The following CCDC47 variants were observed in gnomAD, a reference collection of about 807,000 sequenced individuals.
The protein encoded by CCDC47 is PAT complex subunit CCDC47.
Under a neutral mutation model 60.5 loss-of-function variants are expected in CCDC47, and 41 were observed. The observed-to-expected ratio is 0.68, with a 90% CI of 0.53 to 0.88. CCDC47 has a LOEUF of 0.88. Among genes scored for constraint, CCDC47 ranks in the 40% least tolerant of loss-of-function variants. The pLI is 0.00. For synonymous variants in CCDC47, 195 were observed against 190.7 expected (o/e 1.02, Z -0.18); for missense variants, 513 against 580.9 (o/e 0.88, Z 1.20).
intron 2 of CCDC47, 63 bp from the exon 3 acceptor site, chr17:63,764,910 T>C: frequency 6.4e-6 from 10 of 1,561,110 alleles, no homozygotes; most frequent in Non-Finnish European, 8.6e-6. Context: ...TGTCTCATTT[T>C]GTTGGCAACA....
chr17:63,765,055 T>C, intron 2 of CCDC47: 7 of 631,484 alleles, frequency 1.1e-5, no homozygotes, highest in Non-Finnish European at 1.4e-5. Flanking sequence ...GCAAGGTGAC[T>C]ACAGTTAATA....
rs1184015301 is a variant in CCDC47, at chr17:63,745,974, A to G, written c.*907T>C. 1.3e-5 allele frequency: 2 copies of G among 152,260 alleles called. No individual in the cohort carries two copies. The highest frequency in any genetic ancestry group is 4.8e-5 in the African/African-American group (2 of 41,480). The allele number at this position is 152,260 out of a possible 1,614,324, so 9.4% of individuals were successfully genotyped here. The stretch of plus-strand genomic sequence containing the variant: ...CCTCAACTGTGGAAAAGATAAAAGC[A>G]GAGGGAGAAGCAACGGCACACAGCC... On this transcript the variant is annotated 3_prime_UTR_variant, in exon 13 of 13. Transcript: ENST00000225726.
intron 4 of CCDC47, among the ~76,000 whole-genome samples, chr17:63,762,590 A>G (rs946044549): frequency 6.6e-6 from 1 of 152,218 alleles, no homozygotes; most frequent in Admixed American, 6.5e-5. Flanking sequence ...TTAAAGAGAA[A>G]TAAGGTGCTA....
rs1191640828 is a variant in CCDC47, at chr17:63,759,525, ATT to A, written c.735+1387_735+1388del. On this transcript the variant is annotated intron_variant, in intron 6 of 12. Transcript: ENST00000225726. ...AAAAAAAAAATATATATATATATAT[ATT>A]TATATATATATATATATATATATAT... Among the ~76,000 whole-genome samples the A allele has an allele frequency of 3.8e-3, 40 of 10,452 alleles. 5 individuals are homozygous for A. Among genetic ancestry groups the A allele is most frequent in the Admixed American group, 6.2e-3 (6 of 974 alleles). The allele number at this position is 10,452 out of a possible 152,430, so 6.9% of individuals were successfully genotyped here. A position where few individuals can be genotyped will look rare whatever the true frequency, so the allele number is the denominator to read the frequency against.
In CCDC47 at chr17:63,756,286, A is replaced by G. The variant is rs757737665; in HGVS notation, c.902T>C (p.Ile301Thr). 6.2e-7 allele frequency: 1 copy of G among 1,614,172 alleles called. No individual in the cohort carries two copies. The highest frequency in any genetic ancestry group is 8.5e-7 in the Non-Finnish European group (1 of 1,179,996). ...AKYGLPDSLA[I>T]LSEMGEVTDG... ...TGTGACTTCTCCCATCTCTGACAGG[A>G]TGGCCAAAGAGTCCGGCAGTCCATA... is the stretch of plus-strand genomic sequence containing the variant. Residue 301 changes from isoleucine to threonine, a missense_variant, in exon 8 of 13, where the codon ATC becomes ACC. Ile to Thr is a moderately conservative substitution (Grantham distance 89, BLOSUM62 -1). Coordinates refer to ENST00000225726, the MANE Select transcript of CCDC47 (RefSeq NM_020198.3).
chr17:63,745,464 A>C lies in CCDC47; in HGVS notation c.*1417T>G, dbSNP rs1434210506. 1 of 152,234 alleles carries C rather than the reference A, an allele frequency of 6.6e-6. No individual in the cohort carries two copies. Among genetic ancestry groups the C allele is most frequent in the Admixed American group, 6.5e-5 (1 of 15,278 alleles). The allele number at this position is 152,234 out of a possible 1,614,324, so 9.4% of individuals were successfully genotyped here. A position where few individuals can be genotyped will look rare whatever the true frequency, so the allele number is the denominator to read the frequency against. On this transcript the variant is annotated 3_prime_UTR_variant, in exon 13 of 13. Transcript: ENST00000225726. ...ATAATTATATAATATTAAAGTAATT[A>C]AGTTTTATGTTAGTTATTTTAATAA...
In CCDC47 at chr17:63,766,135, A is replaced by G. The variant is rs2039296526; in HGVS notation, c.41T>C (p.Phe14Ser). Residue 14 changes from phenylalanine to serine, a missense_variant, in exon 2 of 13, where the codon TTT becomes TCT. Coordinates refer to ENST00000225726, the MANE Select transcript of CCDC47 (RefSeq NM_020198.3). ...AAACTTGGCTTCAGAGACACTCCCA[A>G]ACACCAGAAGGACAACACAGAAAGT... ...FHTFCVVLLVFGSVSEAKFDD... is the reference protein window; with the variant it reads ...FHTFCVVLLVSGSVSEAKFDD... 1 of 1,613,978 alleles carries G rather than the reference A, an allele frequency of 6.2e-7. No individual in the cohort carries two copies.
intron 2 of CCDC47, 29 bp from the exon 3 acceptor site, chr17:63,764,876 C>T: frequency 6.2e-7 from 1 of 1,600,874 alleles, no homozygotes; most frequent in Non-Finnish European, 8.5e-7. Context: ...ATCCGTTTTC[C>T]TCTACAAATG....
chr17:63,761,125 T>A, intron 5 of CCDC47, 105 bp downstream of exon 5: 1 of 1,485,884 alleles, frequency 6.7e-7, no homozygotes, highest in Non-Finnish European at 9.4e-7. Context: ...TAGACCTCAT[T>A]TTAAGTCAAA....
At chr17:63,761,517 T>TAAA (rs11429720) in intron 4 of CCDC47, 166 bp from the exon 5 acceptor site, 4,494 of 191,702 alleles carry the variant, frequency 0.023, 134 homozygotes, top group East Asian at 0.15. Flanking sequence ...CTGTCCCTAC[T>TAAA]AAAAAAAAAA....
chr17:63,747,596 G>A (rs2039130383), intron 12 of CCDC47: 3 of 984,988 alleles, frequency 3.0e-6, no homozygotes, highest in Non-Finnish European at 3.6e-6. Flanking sequence ...TAGAGGTCAA[G>A]TCAAAGTATG....
At chr17:63,759,187 T>C (rs188704525) in intron 6 of CCDC47, among the ~76,000 whole-genome samples, 1 of 151,838 alleles carries the variant, frequency 6.6e-6, no homozygotes, top group East Asian at 1.9e-4. Flanking sequence ...AAAAATGAGA[T>C]CTTTAAAATA....
intron 1 of CCDC47, among the ~76,000 whole-genome samples, chr17:63,769,059 G>C (rs920835670): frequency 6.6e-6 from 1 of 151,148 alleles, no homozygotes; most frequent in African/African-American, 2.4e-5. Flanking sequence ...ACTCTAGCCC[G>C]GGTGACACAG....
intron 1 of CCDC47, among the ~76,000 whole-genome samples, chr17:63,769,722 T>C (rs1285855865): frequency 6.6e-6 from 1 of 151,960 alleles, no homozygotes; most frequent in Non-Finnish European, 1.5e-5. Context: ...AGAATAATTG[T>C]CTTGGGCCAC....
chr17:63,762,857 A>G (rs2039270649), intron 4 of CCDC47, among the ~76,000 whole-genome samples: 1 of 152,256 alleles, frequency 6.6e-6, no homozygotes, highest in South Asian at 2.1e-4. Flanking sequence ...ATTACATTAT[A>G]CTAATCAGAA....
chr17:63,752,258 C>T lies in CCDC47; in HGVS notation c.1203+62G>A, dbSNP rs574695125. 73 of 1,423,314 alleles carry T rather than the reference C, an allele frequency of 5.1e-5. 1 individual carries two copies. In the South Asian group the frequency reaches 8.1e-4, roughly 16 times the overall value. 88.2% of individuals were successfully genotyped at this position (1,423,314 alleles called of 1,614,324 possible). On this transcript the variant is annotated intron_variant, in intron 11 of 12. Coordinates refer to ENST00000225726, the MANE Select transcript of CCDC47 (RefSeq NM_020198.3). ...GTCACTGAAATCATTGATAGCTGCC[C>T]TCCCCCTTGAGAAGAAACAAAAAAA...
At chr17:63,754,796 G>A (rs1391653231) in intron 8 of CCDC47, among the ~76,000 whole-genome samples, 1 of 151,260 alleles carries the variant, frequency 6.6e-6, no homozygotes, top group Non-Finnish European at 1.5e-5. Context: ...GGCACGAGAA[G>A]CGTTTGAACC....
intron 6 of CCDC47, among the ~76,000 whole-genome samples, chr17:63,760,676 T>C (rs1470525810): frequency 6.6e-6 from 1 of 151,786 alleles, no homozygotes. Flanking sequence ...CTGACTCTAC[T>C]AAAAATACAA....
chr17:63,769,768 G>A (rs894820360), intron 1 of CCDC47, among the ~76,000 whole-genome samples: 16 of 152,042 alleles, frequency 1.1e-4, no homozygotes, highest in African/African-American at 3.6e-4. Flanking sequence ...TAGCCAATAA[G>A]CTAAAAAATA....
Sources: allele counts gnomAD v4.1 joint callset (sites outside exome capture counted in the v4.1 genomes callset), GRCh38; gene constraint gnomAD v4.1.1; transcripts MANE v1.5; gene names NCBI Gene and HGNC (gene_info 2026-07-23, HGNC 2026-07-21).